GREB1L: variants seen among roughly 807,000 people sequenced by gnomAD.
GREB1L encodes GREB1 like retinoic acid receptor coactivator.
Under a neutral mutation model 200.8 loss-of-function variants are expected in GREB1L, and 17 were observed. The observed-to-expected ratio is 0.08, with a 90% CI of 0.06 to 0.13. GREB1L has a LOEUF of 0.13. GREB1L is among the 10% of genes least tolerant of loss of function. GREB1L has a pLI of 1.00. For synonymous variants in GREB1L, 789 were observed against 893.0 expected (o/e 0.88, Z 2.08); for missense variants, 1,657 against 2,367.7 (o/e 0.70, Z 6.23).
At chr18:21,359,640 A>C (rs1282982490) in intron 1 of GREB1L, among the ~76,000 whole-genome samples, 2 of 152,192 alleles carry the variant, frequency 1.3e-5, no homozygotes, top group Non-Finnish European at 1.5e-5. Flanking sequence ...TCTCATCTCC[A>C]TTCAGTTCTC....
At chr18:21,330,183 T>C (rs1262874926) in intron 1 of GREB1L, among the ~76,000 whole-genome samples, 2 of 152,176 alleles carry the variant, frequency 1.3e-5, no homozygotes, top group Admixed American at 1.3e-4. Context: ...GGCCAGGCAG[T>C]GGCAGTCTGT....
chr18:21,253,604 A>C (rs765153242), intron 1 of GREB1L, among the ~76,000 whole-genome samples: 3 of 152,178 alleles, frequency 2.0e-5, no homozygotes, highest in Non-Finnish European at 2.9e-5. Flanking sequence ...ATTTAGAGAA[A>C]TTAAATGTAA....
chr18:21,372,373 C>G (rs1045456155), intron 2 of GREB1L, among the ~76,000 whole-genome samples: 12 of 151,856 alleles, frequency 7.9e-5, no homozygotes, highest in African/African-American at 2.9e-4. Flanking sequence ...GTCTTGAACT[C>G]CTGACCTTGT....
Position 21,485,828 on chromosome 18 carries a change from T to A in GREB1L, c.2690+75T>A, listed in dbSNP as rs1302476900. ...ATCTAAAATAGCCAAAAGCCTTTTG[T>A]GTCAGTGCTACGGGGTGTTTGATGG... On this transcript the variant is annotated intron_variant, in intron 18 of 32. Coordinates refer to ENST00000424526, the MANE Select transcript of GREB1L (RefSeq NM_001142966.3). 13 of 1,446,140 alleles carry A rather than the reference T, an allele frequency of 9.0e-6. No homozygotes were observed. In the Admixed American group the frequency reaches 2.7e-4, roughly 29 times the overall value. 89.6% of individuals were successfully genotyped at this position (1,446,140 alleles called of 1,614,324 possible).
chr18:21,329,187 T>C (rs1189733917), intron 1 of GREB1L, among the ~76,000 whole-genome samples: 1 of 151,956 alleles, frequency 6.6e-6, no homozygotes, highest in African/African-American at 2.4e-5. Flanking sequence ...TAGCCAGGCA[T>C]AGTGGTGTGT....
At chr18:21,295,376 C>T (rs1218540807) in intron 1 of GREB1L, among the ~76,000 whole-genome samples, 1 of 152,080 alleles carries the variant, frequency 6.6e-6, no homozygotes, top group East Asian at 1.9e-4. Flanking sequence ...TTCCTAAGAG[C>T]AAATCTTAGT....
At chr18:21,415,979 A>G (rs2031590824) in intron 7 of GREB1L, among the ~76,000 whole-genome samples, 1 of 152,228 alleles carries the variant, frequency 6.6e-6, no homozygotes, top group Non-Finnish European at 1.5e-5. Context: ...GCAAAGAGGC[A>G]AGAAAATACA....
intron 1 of GREB1L, among the ~76,000 whole-genome samples, chr18:21,245,586 C>T (rs1422252191): frequency 6.6e-6 from 1 of 152,106 alleles, no homozygotes; most frequent in African/African-American, 2.4e-5. Context: ...CTATAGCTTA[C>T]TTCCCATTAT....
intron 7 of GREB1L, among the ~76,000 whole-genome samples, chr18:21,437,833 TA>T (rs1272976881): frequency 6.6e-6 from 1 of 152,190 alleles, no homozygotes; most frequent in African/African-American, 2.4e-5. Flanking sequence ...CCAACTGTTT[TA>T]AAAAAATATT....
intron 1 of GREB1L, among the ~76,000 whole-genome samples, chr18:21,253,744 A>ATC (rs1475615901): frequency 6.6e-6 from 1 of 151,420 alleles, no homozygotes; most frequent in Non-Finnish European, 1.5e-5. Flanking sequence ...TCAAGTATTT[A>ATC]TCTCTATGCA....
chr18:21,344,137 C>T (rs1258136793), intron 1 of GREB1L, among the ~76,000 whole-genome samples: 1 of 152,150 alleles, frequency 6.6e-6, no homozygotes, highest in Admixed American at 6.5e-5. Context: ...TGCGGTGGCT[C>T]ACGCCTGTAA....
At chr18:21,395,700 T>C in intron 5 of GREB1L, 139 bp downstream of exon 5, 1 of 606,306 alleles carries the variant, frequency 1.6e-6, no homozygotes, top group Non-Finnish European at 2.7e-6. Context: ...TTATGAGACA[T>C]TTTTTCTTTT....
At chr18:21,447,940 G>T (rs1183240109) in intron 11 of GREB1L, among the ~76,000 whole-genome samples, 1 of 152,004 alleles carries the variant, frequency 6.6e-6, no homozygotes, top group African/African-American at 2.4e-5. Flanking sequence ...GAATAGGGTG[G>T]ATACTTGAGG....
intron 1 of GREB1L, among the ~76,000 whole-genome samples, chr18:21,249,723 C>A (rs892010844): frequency 6.6e-6 from 1 of 151,834 alleles, no homozygotes; most frequent in East Asian, 1.9e-4. Flanking sequence ...AGCCAGGCAT[C>A]GTGGTGTATG....
chr18:21,375,338 A>G (rs1598714923), intron 2 of GREB1L, among the ~76,000 whole-genome samples: 1 of 152,232 alleles, frequency 6.6e-6, no homozygotes, highest in East Asian at 1.9e-4. Context: ...CTGGGATTAC[A>G]GGCGTGAGCC....
At chr18:21,500,474 C>CT in intron 22 of GREB1L, 66 bp from the exon 23 acceptor site, 1 of 1,224,910 alleles carries the variant, frequency 8.2e-7, no homozygotes, top group Non-Finnish European at 1.2e-6. Context: ...TGTGAAATCT[C>CT]TTTTCTCTTT....
chr18:21,290,824 CAAAA>C (rs752840997), intron 1 of GREB1L, among the ~76,000 whole-genome samples: 1 of 63,232 alleles, frequency 1.6e-5, no homozygotes, highest in Non-Finnish European at 3.5e-5. Context: ...GACTCTGTCT[CAAAA>C]AAAAAAAAAA....
chr18:21,415,083 C>G (rs1201003505), intron 7 of GREB1L, among the ~76,000 whole-genome samples: 6 of 152,088 alleles, frequency 3.9e-5, no homozygotes, highest in Non-Finnish European at 8.8e-5. Flanking sequence ...AGCTAGAGTT[C>G]ACAGGACTAA....
At chr18:21,427,859 T>G (rs961474884) in intron 7 of GREB1L, among the ~76,000 whole-genome samples, 1 of 152,158 alleles carries the variant, frequency 6.6e-6, no homozygotes, top group African/African-American at 2.4e-5. Flanking sequence ...TTACCCTAGA[T>G]AGAACTTCTT....
Sources: gnomAD v4.1 joint callset for allele counts (sites outside exome capture counted in the v4.1 genomes callset) on GRCh38, gnomAD v4.1.1 for gene constraint, MANE v1.5 for transcripts, NCBI Gene and HGNC (gene_info 2026-07-23, HGNC 2026-07-21) for gene names.